The following KDM4C variants were observed in gnomAD, a reference collection of about 807,000 sequenced individuals.
KDM4C encodes lysine demethylase 4C.
In KDM4C, 81 loss-of-function variants were observed where a neutral mutation model predicts 129.3. The ratio of observed to expected loss-of-function variants is 0.63; its 90% confidence interval spans 0.52 to 0.75. The LOEUF is 0.75. KDM4C is among the 30% of genes least tolerant of loss of function. The probability of loss-of-function intolerance (pLI) is 0.00; values close to 1 mark genes in which losing one functional copy is unlikely to be tolerated. For missense variants in KDM4C, 1,457 were observed against 1,304.0 expected (o/e 1.12, Z -1.81); for synonymous variants, 573 against 456.1 (o/e 1.26, Z -3.26).
chr9:6,775,041 C>G (rs1822703686), intron 1 of KDM4C, among the ~76,000 whole-genome samples: 1 of 152,106 alleles, frequency 6.6e-6, no homozygotes, highest in Non-Finnish European at 1.5e-5. Flanking sequence ...GATGGAGTCT[C>G]TCTCTGTTGC....
intron 19 of KDM4C, among the ~76,000 whole-genome samples, chr9:7,159,296 CTG>C (rs1370085634): frequency 6.6e-6 from 1 of 152,146 alleles, no homozygotes; most frequent in African/African-American, 2.4e-5. Context: ...GTTTGCCAGT[CTG>C]TGTCTTTCAA....
chr9:7,012,717 C>A (rs117837575), intron 13 of KDM4C, among the ~76,000 whole-genome samples: 1,998 of 152,206 alleles, frequency 0.013, 22 homozygotes, highest in East Asian at 0.028. Flanking sequence ...GTCCTCAGCA[C>A]TCAAACAGTT....
At position 6,893,175 on chromosome 9, in the gene KDM4C, A is replaced by T; in HGVS notation, c.864A>T (p.Ala288=). The T allele has an allele frequency of 1.2e-6, 2 of 1,611,872 alleles. No individual in the cohort carries two copies. The highest frequency in any genetic ancestry group is 1.7e-6 in the Non-Finnish European group (2 of 1,178,956). ...GTTTTAATCATGGTTTCAACTGTGC[A>T]GAATCTACAAATTTTGCTACTGTCA... is the stretch of plus-strand genomic sequence containing the variant. ...HAGFNHGFNC[A]ESTNFATVRW... Residue 288 remains alanine, a synonymous_variant, in exon 8 of 22, where the codon GCA becomes GCT. Transcript: ENST00000381309.
intron 8 of KDM4C, among the ~76,000 whole-genome samples, chr9:6,934,324 T>TA (rs1298835228): frequency 6.8e-6 from 1 of 147,566 alleles, no homozygotes; most frequent in Non-Finnish European, 1.5e-5. Flanking sequence ...CACTAAAAAA[T>TA]AAAAAAATTA....
Position 6,925,317 on chromosome 9 carries a change from CA to C in KDM4C, c.921+32087del, listed in dbSNP as rs1822277033. On this transcript the variant is annotated intron_variant, in intron 8 of 21. Transcript: ENST00000381309. ...TAATGGAGGTCAAATAAAGGAGACA[CA>C]AGCTTTCATCAGTTGGGCGTCTTCA... 5.1e-6 allele frequency: 5 copies of C among 985,356 alleles called. No homozygotes were observed. The Admixed American group carries it at 1.8e-4, about 36-fold the overall frequency. 61.0% of individuals were successfully genotyped at this position (985,356 alleles called of 1,614,324 possible).
At chr9:7,173,177 T>C (rs2130537012) in intron 21 of KDM4C, among the ~76,000 whole-genome samples, 1 of 152,346 alleles carries the variant, frequency 6.6e-6, no homozygotes, top group Non-Finnish European at 1.5e-5. Flanking sequence ...ACTGCCCTCC[T>C]CTTACTGAGT....
chr9:6,848,775 A>T (rs1564153462), intron 4 of KDM4C, among the ~76,000 whole-genome samples: 1 of 152,192 alleles, frequency 6.6e-6, no homozygotes, highest in Non-Finnish European at 1.5e-5. Flanking sequence ...TGCCATCACC[A>T]TCCATATTGT....
intron 9 of KDM4C, among the ~76,000 whole-genome samples, chr9:6,983,733 C>T (rs1259741321): frequency 6.6e-6 from 1 of 152,058 alleles, no homozygotes; most frequent in Admixed American, 6.6e-5. Flanking sequence ...CAGTAGTTTA[C>T]CTTGAAATAT....
At chr9:6,768,910 C>G (rs1821187801) in intron 1 of KDM4C, among the ~76,000 whole-genome samples, 1 of 151,970 alleles carries the variant, frequency 6.6e-6, no homozygotes, top group Non-Finnish European at 1.5e-5. Context: ...GTAACTGGGA[C>G]TACAGGTGCC....
intron 15 of KDM4C, among the ~76,000 whole-genome samples, chr9:7,033,293 T>C (rs1457105880): frequency 1.3e-5 from 2 of 152,178 alleles, no homozygotes; most frequent in African/African-American, 4.8e-5. Flanking sequence ...ACATTCACCA[T>C]TGGGCGGGTA....
intron 19 of KDM4C, among the ~76,000 whole-genome samples, chr9:7,163,397 C>G (rs1254068032): frequency 2.6e-5 from 4 of 152,150 alleles, no homozygotes; most frequent in Non-Finnish European, 5.9e-5. Flanking sequence ...TTGGGAAATA[C>G]AGTCTCCTTC....
At chr9:6,822,838 T>C (rs1428256718) in intron 4 of KDM4C, among the ~76,000 whole-genome samples, 1 of 152,258 alleles carries the variant, frequency 6.6e-6, no homozygotes, top group Admixed American at 6.5e-5. Context: ...ATTGCTGAGA[T>C]GGCCAGTAGC....
At chr9:6,864,744 C>A (rs147550949) in intron 5 of KDM4C, among the ~76,000 whole-genome samples, 2 of 151,636 alleles carry the variant, frequency 1.3e-5, no homozygotes, top group African/African-American at 4.8e-5. Context: ...GCTCAGTTCC[C>A]CCTTGAACAG....
intron 19 of KDM4C, among the ~76,000 whole-genome samples, chr9:7,137,532 A>G (rs1322687565): frequency 6.6e-6 from 1 of 152,138 alleles, no homozygotes; most frequent in Non-Finnish European, 1.5e-5. Context: ...TCTTGCTGTA[A>G]TTTTATTTTT....
intron 1 of KDM4C, among the ~76,000 whole-genome samples, chr9:6,746,659 C>G (rs558451298): frequency 2.0e-5 from 3 of 150,782 alleles, no homozygotes; most frequent in Non-Finnish European, 4.4e-5. Flanking sequence ...GTGGGAGGAT[C>G]GCTTGAGCCC....
chr9:6,741,701 T>C (rs1231007816), intron 1 of KDM4C, among the ~76,000 whole-genome samples: 1 of 148,042 alleles, frequency 6.8e-6, no homozygotes, highest in African/African-American at 2.5e-5. Flanking sequence ...TTTTGTCTTT[T>C]GGTGACACTT....
intron 8 of KDM4C, among the ~76,000 whole-genome samples, chr9:6,943,027 G>A (rs1409346501): frequency 1.3e-5 from 2 of 151,800 alleles, no homozygotes; most frequent in Non-Finnish European, 2.9e-5. Context: ...CACCTTGCCC[G>A]CATAATTTTT....
At chr9:7,170,253 A>G in intron 21 of KDM4C, 1 of 1,146,390 alleles carries the variant, frequency 8.7e-7, no homozygotes, top group Non-Finnish European at 1.1e-6. Context: ...AAAAGTATTC[A>G]GGAGTAGATC....
intron 19 of KDM4C, among the ~76,000 whole-genome samples, chr9:7,163,762 A>G (rs1844058730): frequency 6.6e-6 from 1 of 152,062 alleles, no homozygotes; most frequent in South Asian, 2.1e-4. Flanking sequence ...TCCACAGCCT[A>G]CCCTTTCAAT....
Sources: allele counts gnomAD v4.1 joint callset (sites outside exome capture counted in the v4.1 genomes callset), GRCh38; gene constraint gnomAD v4.1.1; transcripts MANE v1.5; gene names NCBI Gene and HGNC (gene_info 2026-07-23, HGNC 2026-07-21).